ZBTB40: variants seen among roughly 807,000 people sequenced by gnomAD.
ZBTB40 encodes zinc finger and BTB domain containing 40.
ZBTB40 carries 60 observed loss-of-function variants against 117.5 expected under a neutral mutation model. The ratio of observed to expected loss-of-function variants is 0.51; its 90% CI spans 0.41 to 0.63. ZBTB40 has a LOEUF of 0.63. ZBTB40 is among the 30% of genes least tolerant of loss of function. ZBTB40 has a pLI of 0.00. For synonymous variants in ZBTB40, 525 were observed against 577.1 expected, an observed-to-expected ratio of 0.91 and a Z score of 1.29; for missense variants, 1,287 against 1,498.5, an observed-to-expected ratio of 0.86 and a Z score of 2.33.
chr1:22,500,188 G>A (rs1338534004), intron 3 of ZBTB40, among the ~76,000 whole-genome samples: 1 of 152,160 alleles, frequency 6.6e-6, no homozygotes, highest in Non-Finnish European at 1.5e-5. Context: ...TCGCATTTGC[G>A]TGAGAGATGT....
intron 3 of ZBTB40, among the ~76,000 whole-genome samples, chr1:22,493,776 A>G (rs1237762276): frequency 6.9e-6 from 1 of 145,878 alleles, no homozygotes; most frequent in African/African-American, 2.5e-5. Flanking sequence ...GAGCGTAAGT[A>G]TCTTGAGATT....
At chr1:22,491,804 C>A (rs1343486585) in intron 3 of ZBTB40, among the ~76,000 whole-genome samples, 1 of 152,120 alleles carries the variant, frequency 6.6e-6, no homozygotes, top group East Asian at 1.9e-4. Flanking sequence ...ACCATTTACT[C>A]CTGATTAATC....
chr1:22,507,079 G>T (rs985671309), intron 6 of ZBTB40, among the ~76,000 whole-genome samples: 1 of 152,162 alleles, frequency 6.6e-6, no homozygotes. Flanking sequence ...TATTATTCAT[G>T]CCCTTATTTC....
chr1:22,485,069 G>C (rs564717682), intron 1 of ZBTB40, among the ~76,000 whole-genome samples: 21 of 152,250 alleles, frequency 1.4e-4, no homozygotes, highest in African/African-American at 5.1e-4. Context: ...GAGGATTTTT[G>C]CATCTATCTT....
intron 3 of ZBTB40, among the ~76,000 whole-genome samples, chr1:22,494,390 A>G (rs1457909057): frequency 6.6e-6 from 1 of 152,248 alleles, no homozygotes; most frequent in Non-Finnish European, 1.5e-5. Flanking sequence ...AGTGTCTAGT[A>G]CGTAGCAATC....
chr1:22,524,056 G>A (rs186846759), intron 16 of ZBTB40, among the ~76,000 whole-genome samples, 162 bp from the exon 17 acceptor site: 2 of 151,966 alleles, frequency 1.3e-5, no homozygotes, highest in East Asian at 3.9e-4. Flanking sequence ...TTTTCTTAAG[G>A]CCCCCCAGAT....
chr1:22,515,895 A>G (rs555602037), intron 12 of ZBTB40, among the ~76,000 whole-genome samples: 5 of 152,248 alleles, frequency 3.3e-5, no homozygotes, highest in Non-Finnish European at 7.3e-5. Context: ...TGGCCACTCC[A>G]GACAATGAGC....
intron 1 of ZBTB40, among the ~76,000 whole-genome samples, chr1:22,460,797 G>A (rs1434018386): frequency 6.6e-6 from 1 of 152,162 alleles, no homozygotes; most frequent in Non-Finnish European, 1.5e-5. Context: ...GGAAAGGAGA[G>A]AGTCAAGACC....
chr1:22,474,831 A>G (rs1171735185), intron 1 of ZBTB40, among the ~76,000 whole-genome samples: 1 of 152,116 alleles, frequency 6.6e-6, no homozygotes, highest in Non-Finnish European at 1.5e-5. Flanking sequence ...CGGTGAAAGC[A>G]ATGAATAGGG....
chr1:22,458,424 C>T (rs1641054406), intron 1 of ZBTB40, among the ~76,000 whole-genome samples: 1 of 152,330 alleles, frequency 6.6e-6, no homozygotes, highest in Non-Finnish European at 1.5e-5. Context: ...GGCCACAGGA[C>T]TTCATCCTTT....
intron 13 of ZBTB40, among the ~76,000 whole-genome samples, chr1:22,518,943 C>G (rs1202213893): frequency 2.0e-5 from 3 of 152,202 alleles, no homozygotes; most frequent in Admixed American, 6.5e-5. Context: ...ACCCAGAATA[C>G]TTTGCCATAC....
At position 22,520,143 on chromosome 1, in the gene ZBTB40, G is replaced by A. The variant is rs1639482385; in HGVS notation, c.2916G>A (p.Val972=). The change falls in exon 14 of 18, where the codon GTG becomes GTA. Residue 972 remains valine, a synonymous_variant. Transcript: ENST00000375647. ...LQDHRKHIHE[V]HSKEYHPCPT... is the part of the protein sequence containing the mutation. The stretch of plus-strand genomic sequence containing the variant: ...ATCACCGGAAGCACATCCATGAGGT[G>A]CACTCCAAAGAGTACCACCCCTGCC... The A allele has an allele frequency of 3.1e-6, 5 of 1,614,206 alleles. No homozygotes were observed. The highest frequency in any genetic ancestry group is 4.5e-5 in the East Asian group (2 of 44,884).
At position 22,512,112 on chromosome 1, in the gene ZBTB40, C is replaced by A; in HGVS notation, c.2439C>A (p.Gly813=). 1 of 1,613,282 alleles carries A rather than the reference C, an allele frequency of 6.2e-7. No individual in the cohort carries two copies. The highest frequency in any genetic ancestry group is 8.5e-7 in the Non-Finnish European group (1 of 1,180,032). Reference sequence around the variant, plus strand: ...TTCCAGTGACATGTGACCTCTGTGGCAGAGAATTTGCCCATGCCTCAGGTA... The same window carrying A: ...TTCCAGTGACATGTGACCTCTGTGGAAGAGAATTTGCCCATGCCTCAGGTA... The part of the protein sequence containing the change: ...KRLPVTCDLC[G]REFAHASGMQ... Residue 813 remains glycine (G), a synonymous_variant, in exon 11 of 18, where the codon GGC becomes GGA. Coordinates refer to ENST00000375647, the MANE Select transcript of ZBTB40 (RefSeq NM_014870.4).
At chr1:22,454,281 A>T (rs1640954617) in intron 1 of ZBTB40, among the ~76,000 whole-genome samples, 2 of 152,170 alleles carry the variant, frequency 1.3e-5, no homozygotes, top group Non-Finnish European at 1.5e-5. Flanking sequence ...GTCTCCATGT[A>T]CCAAGCACCA....
Position 22,490,571 on chromosome 1 carries a change from C to T in ZBTB40, c.623C>T (p.Thr208Ile). The change falls in exon 2 of 18, where the codon ACT becomes ATT. Residue 208 changes from threonine (T) to isoleucine (I), a missense_variant. Thr to Ile is a moderately conservative substitution (Grantham distance 89). This residue lies in a region of ZBTB40 where 870 missense variants were observed against 934.4 expected (regional missense o/e 0.93). Coordinates refer to ENST00000375647, the MANE Select transcript of ZBTB40 (RefSeq NM_014870.4). Reference sequence around the variant, plus strand: ...GCAGAAACCCCAGCGGAGACTCCTACTACAGCTGAAGCTTGTTCCCCCTCC... The same window carrying T: ...GCAGAAACCCCAGCGGAGACTCCTATTACAGCTGAAGCTTGTTCCCCCTCC... ...RNAETPAETPTTAEACSPSPA... is the reference protein window; with the variant it reads ...RNAETPAETPITAEACSPSPA... 3 of 1,614,136 alleles carry T rather than the reference C, an allele frequency of 1.9e-6. No homozygotes were observed. Among genetic ancestry groups the T allele is most frequent in the Non-Finnish European group, 2.5e-6 (3 of 1,180,018 alleles).
rs1301207935 is a variant in ZBTB40, at chr1:22,527,164, G to A, written c.*768G>A. 6.5e-6 allele frequency: 1 copy of A among 153,008 alleles called. No individual in the cohort carries two copies. Among genetic ancestry groups the A allele is most frequent in the Non-Finnish European group, 1.5e-5 (1 of 68,580 alleles). The allele number at this position is 153,008 out of a possible 1,614,324, so 9.5% of individuals were successfully genotyped here. ...TCTTGGTATTCCTTACCTGAAGCCT[G>A]GTTCCCACAGCTCTTCCGTGTCATC... On this transcript the variant is annotated 3_prime_UTR_variant, in exon 18 of 18. Coordinates refer to ENST00000375647, the MANE Select transcript of ZBTB40 (RefSeq NM_014870.4).
chr1:22,508,611 C>G lies in ZBTB40; in HGVS notation c.1579C>G (p.Leu527Val), dbSNP rs1639140024. ...ATCAGCAGTTCTAGAAAAGCAGACT[C>G]TCTCTGCCACAGCCATTTGGCAACT... ...LISAVLEKQT[L>V]SATAIWQLLL... The change falls in exon 8 of 18, where the codon CTC becomes GTC. Residue 527 changes from leucine (L) to valine (V), a missense_variant. Around this residue, in one of 2 missense-constraint regions of ZBTB40, gnomAD observed 870 missense variants for 934.4 expected, o/e 0.93. Transcript: ENST00000375647. The G allele has an allele frequency of 1.9e-6, 3 of 1,614,228 alleles. No individual in the cohort carries two copies. Among genetic ancestry groups the G allele is most frequent in the Non-Finnish European group, 2.5e-6 (3 of 1,180,038 alleles).
chr1:22,465,141 T>A (rs930348699), intron 1 of ZBTB40, among the ~76,000 whole-genome samples: 4 of 152,100 alleles, frequency 2.6e-5, no homozygotes, highest in African/African-American at 9.7e-5. Flanking sequence ...GGCAGGCAGG[T>A]TGTCTGTCGA....
intron 6 of ZBTB40, among the ~76,000 whole-genome samples, chr1:22,506,877 C>CA (rs1639088800): frequency 6.6e-6 from 1 of 152,198 alleles, no homozygotes; most frequent in South Asian, 2.1e-4. Flanking sequence ...TCCTACCACT[C>CA]AAGCATGCCA....
Sources: gnomAD v4.1 joint callset for allele counts (sites outside exome capture counted in the v4.1 genomes callset) on GRCh38, gnomAD v4.1.1 for gene constraint, gnomAD v4.1.1 regional missense constraint, MANE v1.5 for transcripts, NCBI Gene and HGNC (gene_info 2026-07-23, HGNC 2026-07-21) for gene names.